The following SPATA17 variants were observed in gnomAD, a reference collection of about 807,000 sequenced individuals.
SPATA17 encodes the protein spermatogenesis associated 17.
SPATA17 carries 53 observed loss-of-function variants against 62.2 expected under a neutral mutation model. The observed-to-expected ratio is 0.85, with a 90% CI of 0.68 to 1.07. The LOEUF (loss-of-function observed/expected upper bound fraction) is 1.07, where lower values mean the gene tolerates loss of function less well. Ranked by LOEUF, SPATA17 falls within the 50% of genes least tolerant of loss-of-function variation. The probability of loss-of-function intolerance (pLI) is 0.00; values close to 1 mark genes in which losing one functional copy is unlikely to be tolerated. For synonymous variants in SPATA17, 146 were observed against 146.8 expected, an observed-to-expected ratio of 0.99 and a Z score of 0.04; for missense variants, 466 against 425.5, an observed-to-expected ratio of 1.10 and a Z score of -0.84.
Position 217,651,714 on chromosome 1 carries a change from T to A in SPATA17, c.240+536T>A, listed in dbSNP as rs924259304. On this transcript the variant is annotated intron_variant, in intron 3 of 10. Transcript: ENST00000366933. ...GATATATCATTCCAGAATGGTTTTT[T>A]ATGGAAAGTTAAATATATTTGTGGT... Among the ~76,000 whole-genome samples, 6 of 152,232 alleles carry A rather than the reference T, an allele frequency of 3.9e-5. No individual in the cohort carries two copies. In the South Asian group the frequency reaches 1.2e-3, roughly 31 times the overall value.
chr1:217,658,420 A>G (rs1670488099), intron 3 of SPATA17, among the ~76,000 whole-genome samples: 1 of 152,198 alleles, frequency 6.6e-6, no homozygotes, highest in Non-Finnish European at 1.5e-5. Flanking sequence ...GCAGATGCTG[A>G]TACCACATAC....
chr1:217,844,849 A>G lies in SPATA17; in HGVS notation c.1006-17925A>G, dbSNP rs74397031. Among the ~76,000 whole-genome samples the G allele has an allele frequency of 8.7e-3, 1,325 of 152,210 alleles. 13 individuals are homozygous for G. The highest frequency in any genetic ancestry group is 0.03 in the African/African-American group (1,258 of 41,550). On this transcript the variant is annotated intron_variant, in intron 9 of 10. Coordinates refer to ENST00000366933, the MANE Select transcript of SPATA17 (RefSeq NM_138796.4). ...AGTCATGATTATCAATTAGTATTACAAATTAAATATCTGAGATCAGACTAA... is the reference window on the plus strand; with the variant it reads ...AGTCATGATTATCAATTAGTATTACGAATTAAATATCTGAGATCAGACTAA...
intron 6 of SPATA17, among the ~76,000 whole-genome samples, chr1:217,760,811 G>T (rs1408094339): frequency 6.6e-6 from 1 of 152,098 alleles, no homozygotes; most frequent in African/African-American, 2.4e-5. Flanking sequence ...CTCAAACTAT[G>T]AAATCATTTG....
At chr1:217,694,480 T>C (rs1490617842) in intron 5 of SPATA17, among the ~76,000 whole-genome samples, 2 of 139,330 alleles carry the variant, frequency 1.4e-5, no homozygotes, top group Non-Finnish European at 3.1e-5. Context: ...TTGGAGAATT[T>C]AGTCCATTTA....
At chr1:217,685,765 A>G (rs1193854003) in intron 5 of SPATA17, among the ~76,000 whole-genome samples, 1 of 152,086 alleles carries the variant, frequency 6.6e-6, no homozygotes, top group Non-Finnish European at 1.5e-5. Context: ...CCTCTTCTGT[A>G]TATGTGATTG....
intron 5 of SPATA17, among the ~76,000 whole-genome samples, chr1:217,710,900 G>A (rs995953478): frequency 2.0e-5 from 3 of 152,032 alleles, no homozygotes; most frequent in Non-Finnish European, 2.9e-5. Context: ...TGCTCAGTCT[G>A]GACATTTCAT....
intron 9 of SPATA17, among the ~76,000 whole-genome samples, chr1:217,808,333 A>G (rs74142814): frequency 0.028 from 3,918 of 139,466 alleles, 152 homozygotes; most frequent in African/African-American, 0.092. Flanking sequence ...TTCCTTCACT[A>G]ACAATTAAAA....
chr1:217,778,068 C>A (rs931580215), intron 7 of SPATA17, among the ~76,000 whole-genome samples: 6 of 152,072 alleles, frequency 3.9e-5, no homozygotes, highest in African/African-American at 1.4e-4. Context: ...TTTGCATCAA[C>A]AAGCAATTAA....
chr1:217,694,861 C>T (rs1282157688), intron 5 of SPATA17, among the ~76,000 whole-genome samples: 3 of 140,146 alleles, frequency 2.1e-5, no homozygotes, highest in South Asian at 2.5e-4. Context: ...CCGAGAGATC[C>T]GCTGTTAGTC....
chr1:217,787,021 A>G (rs1253772900), intron 8 of SPATA17, among the ~76,000 whole-genome samples: 2 of 152,010 alleles, frequency 1.3e-5, no homozygotes, highest in African/African-American at 2.4e-5. Context: ...TGTGAATTGC[A>G]TCACCAACTA....
chr1:217,808,346 TACACACAC>T (rs751346889), intron 9 of SPATA17, among the ~76,000 whole-genome samples: 1 of 108,918 alleles, frequency 9.2e-6, no homozygotes, highest in Non-Finnish European at 2.2e-5. Context: ...AATTAAAAAA[TACACACAC>T]ACACACACAC....
chr1:217,727,639 T>C (rs1672299259), intron 5 of SPATA17, among the ~76,000 whole-genome samples: 1 of 152,188 alleles, frequency 6.6e-6, no homozygotes, highest in Non-Finnish European at 1.5e-5. Flanking sequence ...TGTATAATAT[T>C]CTTTTACATA....
At chr1:217,746,270 A>C (rs1222561934) in intron 6 of SPATA17, among the ~76,000 whole-genome samples, 1 of 151,994 alleles carries the variant, frequency 6.6e-6, no homozygotes, top group Non-Finnish European at 1.5e-5. Context: ...AAAGTATACC[A>C]GGATAGGAAA....
chr1:217,745,444 AT>A (rs1672725573), intron 6 of SPATA17, among the ~76,000 whole-genome samples: 1 of 152,102 alleles, frequency 6.6e-6, no homozygotes, highest in African/African-American at 2.4e-5. Flanking sequence ...TGGAAAGTTC[AT>A]ATGTTCTCTT....
intron 9 of SPATA17, among the ~76,000 whole-genome samples, chr1:217,854,090 G>A (rs1196690077): frequency 6.6e-6 from 1 of 152,166 alleles, no homozygotes; most frequent in African/African-American, 2.4e-5. Context: ...GTGAGGTACA[G>A]AAACAGCTGG....
At chr1:217,718,309 G>GA (rs558875936) in intron 5 of SPATA17, among the ~76,000 whole-genome samples, 227 of 146,916 alleles carry the variant, frequency 1.5e-3, no homozygotes, top group African/African-American at 4.5e-3. Flanking sequence ...GGAGCAGGAG[G>GA]AAAAAAAAAA....
At position 217,775,687 on chromosome 1, in the gene SPATA17, C is replaced by CTA. The variant is rs144945917; in HGVS notation, c.723+1165_723+1166dup. The stretch of plus-strand genomic sequence containing the variant: ...ACTGCCCTCCAGCCTGGCGACCGAT[C>CTA]TATATATATATATATAGAGAGAGTC... On this transcript the variant is annotated intron_variant, in intron 7 of 10. Transcript: ENST00000366933. 1.8e-4 allele frequency among the ~76,000 whole-genome samples: 26 copies of CTA among 147,768 alleles called. 1 individual carries two copies. Among genetic ancestry groups the CTA allele is most frequent in the South Asian group, 1.1e-3 (5 of 4,676 alleles).
chr1:217,809,592 C>G (rs1342413498), intron 9 of SPATA17, among the ~76,000 whole-genome samples: 1 of 151,814 alleles, frequency 6.6e-6, no homozygotes, highest in Non-Finnish European at 1.5e-5. Context: ...AATAACAAAC[C>G]CTTGAGGGAA....
At chr1:217,801,080 G>A (rs1486894654) in intron 8 of SPATA17, among the ~76,000 whole-genome samples, 3 of 151,998 alleles carry the variant, frequency 2.0e-5, no homozygotes, top group Admixed American at 1.3e-4. Flanking sequence ...ATTATTTATT[G>A]GACACATTTT....
Sources: allele counts gnomAD v4.1 joint callset (sites outside exome capture counted in the v4.1 genomes callset), GRCh38; gene constraint gnomAD v4.1.1; transcripts MANE v1.5; gene names NCBI Gene and HGNC (gene_info 2026-07-23, HGNC 2026-07-21).